MISP: variants seen among roughly 807,000 people sequenced by gnomAD.
The protein encoded by MISP is mitotic interactor and substrate of PLK1.
A neutral mutation model predicts 49.3 loss-of-function variants in MISP; 51 were observed. The ratio of observed to expected loss-of-function variants is 1.03; its 90% CI spans 0.83 to 1.31. The LOEUF is 1.31. Among genes scored for constraint, MISP ranks in the 50% most tolerant of loss-of-function variants. MISP has a pLI of 0.00. For missense variants in MISP, 1,084 were observed against 935.1 expected (o/e 1.16, Z -2.08); for synonymous variants, 444 against 392.6 (o/e 1.13, Z -1.55).
At chr19:759,401 T>G (rs951683078) in intron 2 of MISP, among the ~76,000 whole-genome samples, 1 of 9,382 alleles carries the variant, frequency 1.1e-4, no homozygotes, top group African/African-American at 2.6e-4. Flanking sequence ...CTTTTAATGT[T>G]TTTTTTTTTT....
rs1000677074 is a variant in MISP at position 757,463 on chromosome 19, C to A, written c.517C>A (p.Pro173Thr). ...GTPDHGDPRTPGPPRSTPLEE... is the reference protein window; with the variant it reads ...GTPDHGDPRTTGPPRSTPLEE... ...TCCTGACCACGGAGACCCCAGGACCCCCGGCCCACCTCGGTCCACGCCCCT... is the reference window on the plus strand; with the variant it reads ...TCCTGACCACGGAGACCCCAGGACCACCGGCCCACCTCGGTCCACGCCCCT... The change falls in exon 2 of 5, where the codon CCC (proline) becomes ACC (threonine). Residue 173 changes from proline (P) to threonine (T), a missense_variant. Pro to Thr is a conservative substitution (Grantham distance 38). Transcript: ENST00000215582. 1 of 1,593,808 alleles carries A rather than the reference C, an allele frequency of 6.3e-7. No homozygotes were observed. The highest frequency in any genetic ancestry group is 8.5e-7 in the Non-Finnish European group (1 of 1,170,916).
upstream of MISP, among the ~76,000 whole-genome samples, chr19:748,829 T>C (rs146640589): frequency 4.3e-3 from 650 of 152,230 alleles, 3 homozygotes; most frequent in African/African-American, 0.015. Context: ...TGGGCCTCAG[T>C]TTTCCCATCT....
rs761707209 is a variant in MISP at position 757,070 on chromosome 19, G to A, written c.124G>A (p.Gly42Ser). The change falls in exon 2 of 5, where the codon GGC becomes AGC. Residue 42 changes from glycine to serine, a missense_variant. Physicochemically the swap from Gly to Ser is moderately conservative, Grantham distance 56. Transcript: ENST00000215582. ...GGTGTGCATGGGCCCCGAGGCCAGC[G>A]GCTGGGGCCAGGATGAGCCGCAGAC... ...HLVCMGPEAS[G>S]WGQDEPQTWP... The A allele has an allele frequency of 2.6e-5, 42 of 1,612,218 alleles. No individual in the cohort carries two copies. The highest frequency in any genetic ancestry group is 1.3e-4 in the Admixed American group (8 of 59,794).
intron 1 of MISP, among the ~76,000 whole-genome samples, chr19:755,258 G>A (rs990792289): frequency 2.6e-5 from 4 of 152,184 alleles, no homozygotes; most frequent in African/African-American, 7.2e-5. Context: ...GGCGAGAGCC[G>A]GAAGGCACTG....
chr19:753,057 C>A (rs540854549), intron 1 of MISP, among the ~76,000 whole-genome samples: 1 of 152,334 alleles, frequency 6.6e-6, no homozygotes, highest in Admixed American at 6.5e-5. Flanking sequence ...GAGAGCGAGG[C>A]CTGGGCTGAC....
rs370937983 is a variant in MISP at position 758,560 on chromosome 19, G to A, written c.1614G>A (p.Leu538=). Residue 538 remains leucine (L), a synonymous_variant, in exon 2 of 5, where the codon CTG becomes CTA. Transcript: ENST00000215582. The part of the protein sequence containing the change: ...WEVAGAPALR[L]QKSQSSDLLE... ...TGGCTGGGGCCCCTGCACTGAGGCT[G>A]CAGAAGTCCCAGTCATCTGATCTGC... is the stretch of plus-strand genomic sequence containing the variant. 2 of 1,614,214 alleles carry A rather than the reference G, an allele frequency of 1.2e-6. No individual in the cohort carries two copies. The highest frequency in any genetic ancestry group is 1.7e-6 in the Non-Finnish European group (2 of 1,180,022).
At position 758,203 on chromosome 19, in the gene MISP, C is replaced by T. The variant is rs758861533; in HGVS notation, c.1257C>T (p.Arg419=). ...CTCCAGAAGTGAGGAAGGTGAACCG[C>T]ATCCCACCTGATGCCTACCAGCCGT... The part of the protein sequence containing the change: ...DPAPEVRKVN[R]IPPDAYQPYL... The change falls in exon 2 of 5, where the codon CGC becomes CGT. Residue 419 remains arginine, a synonymous_variant. Coordinates refer to ENST00000215582, the MANE Select transcript of MISP (RefSeq NM_173481.4). 3.7e-6 allele frequency: 6 copies of T among 1,612,880 alleles called. No homozygotes were observed. The highest frequency in any genetic ancestry group is 5.1e-6 in the Non-Finnish European group (6 of 1,179,854).
At chr19:759,831 C>G (rs2033642916) in intron 2 of MISP, 78 bp from the exon 3 acceptor site, 3 of 1,547,158 alleles carry the variant, frequency 1.9e-6, no homozygotes, top group Middle Eastern at 1.7e-4. Flanking sequence ...GTCTCCTTAG[C>G]TGCTGGCTAG....
chr19:752,752 G>A (rs372259210), intron 1 of MISP, among the ~76,000 whole-genome samples: 63 of 149,906 alleles, frequency 4.2e-4, no homozygotes, highest in African/African-American at 1.5e-3. Flanking sequence ...CCTTTCTCCC[G>A]GAGTTGACGT....
Position 758,404 on chromosome 19 carries a change from G to A in MISP, c.1458G>A (p.Lys486=), listed in dbSNP as rs1288191324. 5.6e-6 allele frequency: 9 copies of A among 1,614,216 alleles called. No individual in the cohort carries two copies. The highest frequency in any genetic ancestry group is 2.2e-5 in the East Asian group (1 of 44,884). The change falls in exon 2 of 5, where the codon AAG becomes AAA. Residue 486 remains lysine (K), a synonymous_variant. Transcript: ENST00000215582. ...KPLSTKQEAS[K]PPRGCPQANR... ...TGAGCACAAAGCAAGAGGCATCGAA[G>A]CCCCCTCGGGGATGCCCGCAAGCCA...
chr19:756,837 C>T, intron 1 of MISP, 53 bp from the exon 2 acceptor site: 2 of 915,524 alleles, frequency 2.2e-6, no homozygotes, highest in Non-Finnish European at 3.3e-6. Flanking sequence ...GGAGGCTGTT[C>T]CTCTCCCTAG....
chr19:749,109 A>G (rs1038741273), upstream of MISP, among the ~76,000 whole-genome samples: 4 of 152,022 alleles, frequency 2.6e-5, no homozygotes, highest in Admixed American at 6.5e-5. Context: ...CTGCACTCCA[A>G]CCTGGGCGAC....
upstream of MISP, among the ~76,000 whole-genome samples, chr19:749,567 G>A (rs537805843): frequency 2.0e-5 from 3 of 152,162 alleles, no homozygotes; most frequent in South Asian, 2.1e-4. Flanking sequence ...GCCGTGGCTC[G>A]CGCCTGTAAT....
intron 1 of MISP, among the ~76,000 whole-genome samples, chr19:756,424 C>T (rs547345311): frequency 6.6e-6 from 1 of 151,972 alleles, no homozygotes; most frequent in East Asian, 1.9e-4. Context: ...TCTGATTGAT[C>T]AGGATGAGTC....
chr19:760,247 A>G (rs960141426), intron 3 of MISP, among the ~76,000 whole-genome samples: 1 of 151,784 alleles, frequency 6.6e-6, no homozygotes, highest in African/African-American at 2.4e-5. Flanking sequence ...GAGAGGCCAT[A>G]TAAGCTGGGG....
chr19:759,781 G>C, intron 2 of MISP, 128 bp from the exon 3 acceptor site: 2 of 1,096,166 alleles, frequency 1.8e-6, no homozygotes, highest in South Asian at 3.2e-5. Flanking sequence ...CAATCTGTCA[G>C]TTTCCCGGAT....
At position 757,616 on chromosome 19, in the gene MISP, A is replaced by G. The variant is rs772903902; in HGVS notation, c.670A>G (p.Thr224Ala). 32 of 1,612,268 alleles carry G rather than the reference A, an allele frequency of 2.0e-5. No homozygotes were observed. The highest frequency in any genetic ancestry group is 2.5e-5 in the Non-Finnish European group (30 of 1,179,542). ...SPARGTPAGT[T>A]PGASQAPKAF... is the part of the protein sequence containing the mutation. ...GGCCAGGGGGACCCCTGCAGGCACAACCCCAGGGGCCAGCCAGGCCCCCAA... is the reference window on the plus strand; with the variant it reads ...GGCCAGGGGGACCCCTGCAGGCACAGCCCCAGGGGCCAGCCAGGCCCCCAA... Residue 224 changes from threonine to alanine, a missense_variant, in exon 2 of 5, where the codon ACC becomes GCC. By Grantham distance (58) the Thr-to-Ala change is moderately conservative. Coordinates refer to ENST00000215582, the MANE Select transcript of MISP (RefSeq NM_173481.4).
rs571489710 is a variant in MISP at position 758,056 on chromosome 19, G to A, written c.1110G>A (p.Leu370=). The A allele has an allele frequency of 3.8e-6, 6 of 1,568,340 alleles. No individual in the cohort carries two copies. Among genetic ancestry groups the A allele is most frequent in the African/African-American group, 2.7e-5 (2 of 74,292 alleles). ...QREEDHRREG[L]HVGRASTPDW... ...AGGAAGACCACCGGCGGGAGGGCCT[G>A]CACGTGGGCCGGGCGTCCACACCCG... The change falls in exon 2 of 5, where the codon CTG becomes CTA. Residue 370 remains leucine, a synonymous_variant. Transcript: ENST00000215582.
At position 757,466 on chromosome 19, in the gene MISP, G is replaced by T; in HGVS notation, c.520G>T (p.Gly174Cys). The change falls in exon 2 of 5, where the codon GGC becomes TGC. Residue 174 changes from glycine (G) to cysteine (C), a missense_variant. Transcript: ENST00000215582. ...TPDHGDPRTPGPPRSTPLEEN... is the reference protein window; with the variant it reads ...TPDHGDPRTPCPPRSTPLEEN... ...TGACCACGGAGACCCCAGGACCCCC[G>T]GCCCACCTCGGTCCACGCCCCTGGA... is the stretch of plus-strand genomic sequence containing the variant. The T allele has an allele frequency of 6.3e-7, 1 of 1,593,598 alleles. No homozygotes were observed. The highest frequency in any genetic ancestry group is 8.5e-7 in the Non-Finnish European group (1 of 1,170,938).
Sources: allele counts gnomAD v4.1 joint callset (sites outside exome capture counted in the v4.1 genomes callset), GRCh38; gene constraint gnomAD v4.1.1; transcripts MANE v1.5; gene names NCBI Gene and HGNC (gene_info 2026-07-23, HGNC 2026-07-21).